The following HERC3 variants were observed in gnomAD, a reference collection of about 807,000 sequenced individuals.
The protein encoded by HERC3 is HECT and RLD domain containing E3 ubiquitin protein ligase 3.
In HERC3, 58 loss-of-function variants were observed where a neutral mutation model predicts 129.9. The observed-to-expected ratio is 0.45, with a 90% confidence interval of 0.36 to 0.56. The LOEUF is 0.56. Ranked by LOEUF, HERC3 falls within the 20% of genes least tolerant of loss-of-function variation. HERC3 has a pLI of 0.00. For missense variants in HERC3, 835 were observed against 1,244.2 expected, an observed-to-expected ratio of 0.67 and a Z score of 4.95; for synonymous variants, 430 against 451.0, an observed-to-expected ratio of 0.95 and a Z score of 0.59.
Position 88,667,922 on chromosome 4 carries a change from C to G in HERC3, c.1474C>G (p.Pro492Ala). ...GAACAGTTTTGAAAGTTGTCTGATT[C>G]CCCAGTTGTCAAGCTCACCACCAGA... Reference protein sequence around the residue: ...ILNSFESCLIPQLSSSPPDVE... With the variant: ...ILNSFESCLIAQLSSSPPDVE... The change falls in exon 14 of 26, where the codon CCC becomes GCC. Residue 492 changes from proline to alanine, a missense_variant. Physicochemically the swap from Pro to Ala is conservative, Grantham distance 27. Coordinates refer to ENST00000402738, the MANE Select transcript of HERC3 (RefSeq NM_014606.3). The G allele has an allele frequency of 6.2e-7, 1 of 1,612,834 alleles. No homozygotes were observed. Among genetic ancestry groups the G allele is most frequent in the Non-Finnish European group, 8.5e-7 (1 of 1,179,230 alleles).
chr4:88,610,079 C>T (rs1013103209), intron 3 of HERC3, among the ~76,000 whole-genome samples: 2 of 152,030 alleles, frequency 1.3e-5, no homozygotes, highest in Non-Finnish European at 2.9e-5. Flanking sequence ...TTGGCTGGCC[C>T]CTTTACTGTA....
At chr4:88,624,840 C>T (rs964510719) in intron 3 of HERC3, among the ~76,000 whole-genome samples, 5 of 152,138 alleles carry the variant, frequency 3.3e-5, no homozygotes, top group Non-Finnish European at 4.4e-5. Flanking sequence ...TTAGCTCTTA[C>T]ATTTAGGCCT....
At chr4:88,650,127 A>G (rs1172654768) in intron 4 of HERC3, 128 bp downstream of exon 4, 6 of 867,976 alleles carry the variant, frequency 6.9e-6, no homozygotes, top group Non-Finnish European at 1.0e-5. Context: ...TGTGCCTTAT[A>G]CTATTAAAAC....
the HERC3 span, among the ~76,000 whole-genome samples, chr4:88,541,761 G>A: frequency 6.6e-6 from 1 of 152,190 alleles, no homozygotes; most frequent in Admixed American, 6.5e-5. Flanking sequence ...AGACCACAGT[G>A]AAATCAAATT....
At chr4:88,531,183 AAATTTTTAAAATTTAAAATTTTTTT>A in the HERC3 span, among the ~76,000 whole-genome samples, 10 of 151,248 alleles carry the variant, frequency 6.6e-5, no homozygotes, top group East Asian at 1.9e-4. Flanking sequence ...AAAATTTTTT[AAATTTTTAAAATTTAAAATTTTTTT>A]AAAATTTTTT....
At chr4:88,663,465 A>G (rs1199886009) in intron 11 of HERC3, among the ~76,000 whole-genome samples, 5 of 152,226 alleles carry the variant, frequency 3.3e-5, no homozygotes, top group Non-Finnish European at 7.3e-5. Context: ...TCTTATTTAT[A>G]AAATGAATGG....
At chr4:88,619,701 G>T (rs1264492393) in intron 3 of HERC3, among the ~76,000 whole-genome samples, 1 of 152,180 alleles carries the variant, frequency 6.6e-6, no homozygotes. Flanking sequence ...ATAACTGCCA[G>T]ACGTTGCCAG....
At chr4:88,628,242 A>C (rs1175476251) in intron 3 of HERC3, among the ~76,000 whole-genome samples, 1 of 152,192 alleles carries the variant, frequency 6.6e-6, no homozygotes, top group Non-Finnish European at 1.5e-5. Context: ...TAGTACTTAC[A>C]CATTTAAGGT....
At chr4:88,705,057 C>T (rs1448860535) in intron 25 of HERC3, among the ~76,000 whole-genome samples, 3 of 152,058 alleles carry the variant, frequency 2.0e-5, no homozygotes, top group Non-Finnish European at 4.4e-5. Flanking sequence ...GATGGGCTTT[C>T]ACCATGTTGC....
intron 3 of HERC3, among the ~76,000 whole-genome samples, chr4:88,607,045 T>A (rs1723731378): frequency 6.6e-6 from 1 of 152,174 alleles, no homozygotes; most frequent in Non-Finnish European, 1.5e-5. Flanking sequence ...GATATGGTGA[T>A]GATGTGGCTG....
intron 12 of HERC3, among the ~76,000 whole-genome samples, chr4:88,665,855 G>A (rs1020188646): frequency 1.3e-5 from 2 of 152,120 alleles, no homozygotes; most frequent in Non-Finnish European, 2.9e-5. Context: ...TTTCCTCTAG[G>A]GAAAGATATT....
chr4:88,562,879 T>C, the HERC3 span, among the ~76,000 whole-genome samples: 1 of 152,220 alleles, frequency 6.6e-6, no homozygotes, highest in South Asian at 2.1e-4. Context: ...TTTATGCCCG[T>C]CCCAGGCTGC....
Position 88,681,310 on chromosome 4 carries a change from C to T in HERC3, c.2492C>T (p.Ser831Leu). Residue 831 changes from serine to leucine, a missense_variant, in exon 21 of 26, where the codon TCA becomes TTA. Ser to Leu is a moderately radical substitution (Grantham distance 145, BLOSUM62 -2). Coordinates refer to ENST00000402738, the MANE Select transcript of HERC3 (RefSeq NM_014606.3). ...GGCTTGGAAGACTTAAAGGAGTTGT[C>T]ACCCACTGAAGGAAGGTACAAAGCT... is the stretch of plus-strand genomic sequence containing the variant. ...KPGLEDLKEL[S>L]PTEGRSLQEL... 1 of 1,611,786 alleles carries T rather than the reference C, an allele frequency of 6.2e-7. No individual in the cohort carries two copies. Among genetic ancestry groups the T allele is most frequent in the Non-Finnish European group, 8.5e-7 (1 of 1,179,246 alleles).
At chr4:88,686,919 CA>C in intron 22 of HERC3, 117 bp downstream of exon 22, 1 of 810,204 alleles carries the variant, frequency 1.2e-6, no homozygotes. Context: ...TTCTTTGAAT[CA>C]AATTATTTTA....
chr4:88,646,959 TC>T (rs1728753237), intron 3 of HERC3, among the ~76,000 whole-genome samples: 1 of 152,196 alleles, frequency 6.6e-6, no homozygotes, highest in Non-Finnish European at 1.5e-5. Context: ...TTCCTGTTGT[TC>T]CTATTGTCCA....
At chr4:88,683,587 C>G (rs1733055948) in intron 21 of HERC3, among the ~76,000 whole-genome samples, 1 of 152,184 alleles carries the variant, frequency 6.6e-6, no homozygotes, top group Non-Finnish European at 1.5e-5. Flanking sequence ...AAATTCCACA[C>G]TAGGACTTCT....
intron 23 of HERC3, among the ~76,000 whole-genome samples, chr4:88,689,474 A>G (rs1733832275): frequency 6.6e-6 from 1 of 150,880 alleles, no homozygotes; most frequent in South Asian, 2.1e-4. Flanking sequence ...AGCCATGATC[A>G]TGCCTCTGCA....
intron 10 of HERC3, among the ~76,000 whole-genome samples, chr4:88,661,178 A>G (rs898290817): frequency 2.6e-5 from 4 of 152,204 alleles, no homozygotes; most frequent in Admixed American, 2.6e-4. Flanking sequence ...TTTACGTAAC[A>G]ACAGTGGTTT....
intron 3 of HERC3, among the ~76,000 whole-genome samples, chr4:88,621,722 G>C (rs868809210): frequency 1.3e-5 from 2 of 152,190 alleles, no homozygotes; most frequent in Non-Finnish European, 2.9e-5. Flanking sequence ...AGGTTTGTCT[G>C]ATTTGTGAAA....
Sources: gnomAD v4.1 joint callset for allele counts (sites outside exome capture counted in the v4.1 genomes callset) on GRCh38, gnomAD v4.1.1 for gene constraint, MANE v1.5 for transcripts, NCBI Gene and HGNC (gene_info 2026-07-23, HGNC 2026-07-21) for gene names.